The following ADAM17 variants were observed in gnomAD, a reference collection of about 807,000 sequenced individuals.
ADAM17 encodes the protein ADAM metallopeptidase domain 17.
A neutral mutation model predicts 96.7 loss-of-function variants in ADAM17; 39 were observed. The observed-to-expected ratio is 0.40, with a 90% confidence interval of 0.31 to 0.53. The LOEUF is 0.53. ADAM17 is among the 20% of genes least tolerant of loss of function. The pLI is 0.44. For synonymous variants in ADAM17, 344 were observed against 359.2 expected (o/e 0.96, Z 0.48); for missense variants, 777 against 1,013.2 (o/e 0.77, Z 3.17).
At chr2:9,520,921 G>A (rs1296911923) in intron 8 of ADAM17, among the ~76,000 whole-genome samples, 6 of 118,264 alleles carry the variant, frequency 5.1e-5, no homozygotes, top group Non-Finnish European at 1.0e-4. Context: ...CCAAGATCAC[G>A]CCATTGCCCT....
intron 1 of ADAM17, among the ~76,000 whole-genome samples, chr2:9,552,071 A>G (rs1665605747): frequency 6.6e-6 from 1 of 152,344 alleles, no homozygotes; most frequent in South Asian, 2.1e-4. Context: ...AGGGATGCTC[A>G]ACCCATATAT....
At chr2:9,502,090 T>A (rs1321646981) in intron 13 of ADAM17, 83 bp downstream of exon 13, 1 of 1,262,842 alleles carries the variant, frequency 7.9e-7, no homozygotes, top group African/African-American at 1.5e-5. Flanking sequence ...GTGTCTCTCA[T>A]CTGAACAAAA....
intron 13 of ADAM17, among the ~76,000 whole-genome samples, chr2:9,501,287 T>G (rs555202049): frequency 1.3e-5 from 2 of 152,298 alleles, no homozygotes; most frequent in Admixed American, 1.3e-4. Context: ...TACTTTATAC[T>G]CATCATGCTA....
rs117179141 is a variant in ADAM17, at chr2:9,550,677, T to A, written c.97+4832A>T. On this transcript the variant is annotated intron_variant, in intron 1 of 18. Transcript: ENST00000310823. ...TCAAGCTGGTCTTGAACTCCTGGCC[T>A]CAAGTCATCCGCCGGCCTCAGCCTC... Among the ~76,000 whole-genome samples, 1,508 of 151,934 alleles carry A rather than the reference T, an allele frequency of 9.9e-3. 72 individuals carry two copies. In the East Asian group the frequency reaches 0.12, roughly 12 times the overall value.
intron 10 of ADAM17, among the ~76,000 whole-genome samples, chr2:9,510,887 A>G (rs1325967540): frequency 4.6e-5 from 7 of 152,238 alleles, no homozygotes; most frequent in African/African-American, 1.2e-4. Flanking sequence ...AATTTAACAG[A>G]ATAAGTAGGA....
At chr2:9,532,425 A>G (rs1664785194) in intron 4 of ADAM17, among the ~76,000 whole-genome samples, 1 of 152,172 alleles carries the variant, frequency 6.6e-6, no homozygotes, top group Non-Finnish European at 1.5e-5. Flanking sequence ...AATTTCATGC[A>G]AAAGTCCCTC....
In ADAM17 at chr2:9,528,564, C is replaced by T. The variant is rs1402225433; in HGVS notation, c.451-610G>A. ...AATGTTACAAGGCCAGAGTAAATCA[C>T]AATTAACATACTCCAAAGGTTACCC... On this transcript the variant is annotated intron_variant, in intron 4 of 18. Coordinates refer to ENST00000310823, the MANE Select transcript of ADAM17 (RefSeq NM_003183.6). Among the ~76,000 whole-genome samples, 3 of 152,346 alleles carry T rather than the reference C, an allele frequency of 2.0e-5. No individual in the cohort carries two copies. In the East Asian group the frequency reaches 5.8e-4, roughly 29 times the overall value.
At chr2:9,526,946 G>A (rs570949295) in intron 5 of ADAM17, among the ~76,000 whole-genome samples, 1 of 152,110 alleles carries the variant, frequency 6.6e-6, no homozygotes, top group Non-Finnish European at 1.5e-5. Context: ...TTGAAAATTA[G>A]TTTAATAGGA....
At chr2:9,508,475 A>T (rs541639556) in intron 11 of ADAM17, among the ~76,000 whole-genome samples, 14 of 152,332 alleles carry the variant, frequency 9.2e-5, no homozygotes, top group Non-Finnish European at 1.8e-4. Flanking sequence ...CAAGTATATA[A>T]CTCAGTGATT....
At chr2:9,518,896 TGG>T (rs36121123) in intron 8 of ADAM17, among the ~76,000 whole-genome samples, 6 of 146,336 alleles carry the variant, frequency 4.1e-5, no homozygotes, top group South Asian at 2.3e-4. Context: ...AACCTTAATT[TGG>T]GGGGGGGGTT....
intron 13 of ADAM17, among the ~76,000 whole-genome samples, chr2:9,499,934 C>G (rs768045012): frequency 3.9e-5 from 6 of 152,150 alleles, no homozygotes; most frequent in Non-Finnish European, 7.3e-5. Flanking sequence ...TATGGAGAAG[C>G]TGGGACCCTC....
intron 1 of ADAM17, among the ~76,000 whole-genome samples, chr2:9,554,969 G>A (rs560562943): frequency 6.6e-6 from 1 of 152,186 alleles, no homozygotes; most frequent in Admixed American, 6.5e-5. Flanking sequence ...ACGTGCTTAG[G>A]ATGTTCGCAA....
chr2:9,522,758 T>C (rs1419567357), intron 7 of ADAM17, among the ~76,000 whole-genome samples: 3 of 152,188 alleles, frequency 2.0e-5, no homozygotes, highest in Non-Finnish European at 4.4e-5. Flanking sequence ...ATTATTAAGA[T>C]GACATTAATA....
rs1665726984 is a variant in ADAM17, at chr2:9,555,637, T to C, written c.-32A>G. The C allele has an allele frequency of 1.3e-6, 2 of 1,517,614 alleles. No homozygotes were observed. The highest frequency in any genetic ancestry group is 1.8e-6 in the Non-Finnish European group (2 of 1,124,700). 94.0% of individuals were successfully genotyped at this position (1,517,614 alleles called of 1,614,324 possible). On this transcript the variant is annotated 5_prime_UTR_variant, in exon 1 of 19. Transcript: ENST00000310823. The stretch of plus-strand genomic sequence containing the variant: ...GGCCCCGCTACCGACTCCACCTCTC[T>C]GGGCAGCCTTCGCCTGACGGGGTTT...
chr2:9,516,597 A>C (rs1180455918), intron 10 of ADAM17, among the ~76,000 whole-genome samples: 2 of 152,042 alleles, frequency 1.3e-5, no homozygotes. Flanking sequence ...AAACAAAAAT[A>C]CAAAAATTAG....
At chr2:9,532,891 GA>G (rs551621271) in intron 4 of ADAM17, among the ~76,000 whole-genome samples, 7 of 151,986 alleles carry the variant, frequency 4.6e-5, no homozygotes, top group African/African-American at 1.7e-4. Context: ...GGAAGTATTT[GA>G]AAAAAATGAG....
rs768629467 is a variant in ADAM17, at chr2:9,510,009, T to A, written c.1314A>T (p.Ile438=). ...DQGGKYVMYP[I]AVSGDHENNK... ...TGTTCTCGTGATCGCCACTCACAGC[T>A]ATGGGATACATGACATATTTCCCTC... is the stretch of plus-strand genomic sequence containing the variant. The change falls in exon 11 of 19, where the codon ATA becomes ATT. Residue 438 remains isoleucine, a synonymous_variant. Coordinates refer to ENST00000310823, the MANE Select transcript of ADAM17 (RefSeq NM_003183.6). The A allele has an allele frequency of 8.1e-6, 13 of 1,614,024 alleles. No individual in the cohort carries two copies. The highest frequency in any genetic ancestry group is 2.7e-5 in the African/African-American group (2 of 74,942).
rs758739864 is a variant in ADAM17, at chr2:9,505,189, C to T, written c.1521G>A (p.Thr507=). The T allele has an allele frequency of 5.6e-6, 9 of 1,614,230 alleles. No homozygotes were observed. Among genetic ancestry groups the T allele is most frequent in the South Asian group, 1.1e-5 (1 of 91,082 alleles). ...NNDTCCNSDC[T]LKEGVQCSDR... ...ACCTGCACTGGACACCTTCCTTCAA[C>T]GTGCAGTCGCTGTTGCAGCAGGTGT... The change falls in exon 12 of 19, where the codon ACG becomes ACA. Residue 507 remains threonine, a synonymous_variant. Transcript: ENST00000310823.
At chr2:9,521,969 G>C (rs1464416885) in intron 7 of ADAM17, 1 of 152,716 alleles carries the variant, frequency 6.5e-6, no homozygotes, top group East Asian at 1.9e-4. Flanking sequence ...ATCTGGGATA[G>C]AACTACTTAG....
Sources: gnomAD v4.1 joint callset for allele counts (sites outside exome capture counted in the v4.1 genomes callset) on GRCh38, gnomAD v4.1.1 for gene constraint, MANE v1.5 for transcripts, NCBI Gene and HGNC (gene_info 2026-07-23, HGNC 2026-07-21) for gene names.